The following PLXDC2 variants were observed in gnomAD, a reference collection of about 807,000 sequenced individuals.
PLXDC2 encodes plexin domain containing 2.
In PLXDC2, 40 loss-of-function variants were observed where a neutral mutation model predicts 68.9. That is an observed-to-expected ratio of 0.58 (90% CI 0.45 to 0.76). The LOEUF is 0.76. Ranked by LOEUF, PLXDC2 falls within the 30% of genes least tolerant of loss-of-function variation. The pLI, the probability that PLXDC2 is intolerant of heterozygous loss-of-function variation, is 0.00. For missense variants in PLXDC2, 644 were observed against 661.9 expected (o/e 0.97, Z 0.30); for synonymous variants, 243 against 234.2 (o/e 1.04, Z -0.34).
At chr10:20,235,827 C>A (rs1835425167) in intron 12 of PLXDC2, among the ~76,000 whole-genome samples, 1 of 152,304 alleles carries the variant, frequency 6.6e-6, no homozygotes, top group Middle Eastern at 3.4e-3. Context: ...ACATAAGTGA[C>A]TATTCTGAAA....
chr10:19,868,064 C>G (rs1411234121), intron 1 of PLXDC2, among the ~76,000 whole-genome samples: 3 of 151,996 alleles, frequency 2.0e-5, no homozygotes, highest in Non-Finnish European at 4.4e-5. Flanking sequence ...TGATACGTGG[C>G]TTTGTAATGT....
At chr10:20,269,340 G>C (rs952265225) in intron 13 of PLXDC2, among the ~76,000 whole-genome samples, 3 of 152,160 alleles carry the variant, frequency 2.0e-5, no homozygotes, top group African/African-American at 2.4e-5. Flanking sequence ...TAAGAATTCA[G>C]TAATAATGAA....
intron 9 of PLXDC2, among the ~76,000 whole-genome samples, chr10:20,184,768 T>C (rs914576645): frequency 2.0e-5 from 3 of 151,970 alleles, no homozygotes; most frequent in Non-Finnish European, 4.4e-5. Flanking sequence ...CCTTTGGTTT[T>C]GTCTCTATGT....
chr10:20,065,120 C>G (rs1301594098), intron 3 of PLXDC2, among the ~76,000 whole-genome samples: 1 of 152,110 alleles, frequency 6.6e-6, no homozygotes, highest in Non-Finnish European at 1.5e-5. Context: ...TAGGGGTAAT[C>G]CAAACTAAGC....
intron 12 of PLXDC2, among the ~76,000 whole-genome samples, chr10:20,239,480 C>T (rs999174941): frequency 6.6e-6 from 1 of 152,176 alleles, no homozygotes; most frequent in Non-Finnish European, 1.5e-5. Context: ...CAAGCACCTT[C>T]TTCACAAGGC....
At chr10:20,178,449 C>A (rs573691193) in intron 9 of PLXDC2, among the ~76,000 whole-genome samples, 31 of 152,124 alleles carry the variant, frequency 2.0e-4, no homozygotes, top group South Asian at 1.0e-3. Flanking sequence ...ATGGTCCCTG[C>A]CCCCCATGAA....
intron 1 of PLXDC2, among the ~76,000 whole-genome samples, chr10:19,859,987 C>T (rs2131333895): frequency 6.6e-6 from 1 of 152,292 alleles, no homozygotes; most frequent in East Asian, 1.9e-4. Flanking sequence ...ACCTCAGCTT[C>T]CCAAAGTGCT....
At chr10:19,934,053 A>T (rs193099682) in intron 1 of PLXDC2, among the ~76,000 whole-genome samples, 29 of 152,334 alleles carry the variant, frequency 1.9e-4, no homozygotes, top group African/African-American at 6.0e-4. Flanking sequence ...CTCATTCCTT[A>T]CTTTTTCTTC....
At chr10:19,861,278 G>A (rs750465372) in intron 1 of PLXDC2, among the ~76,000 whole-genome samples, 19 of 151,662 alleles carry the variant, frequency 1.3e-4, no homozygotes, top group Admixed American at 5.9e-4. Context: ...CAGGTGACCC[G>A]CCCACCTCTG....
chr10:20,012,336 G>GTTTTTT lies in PLXDC2; in HGVS notation c.324+10350_324+10351insTTTTTT, dbSNP rs1564656425. Among the ~76,000 whole-genome samples, 114 of 33,160 alleles carry GTTTTTT rather than the reference G, an allele frequency of 3.4e-3. 39 individuals carry two copies. Among genetic ancestry groups the GTTTTTT allele is most frequent in the African/African-American group, 5.9e-3 (61 of 10,328 alleles). 21.8% of individuals were successfully genotyped at this position (33,160 alleles called of 152,430 possible). ...TTTTTTTTTTTTTTTTTTTTTTTTG[G>GTTTTTT]AGAAGGAGACTTGCTGTGTTTCCCA... On this transcript the variant is annotated intron_variant, in intron 2 of 13. Coordinates refer to ENST00000377252, the MANE Select transcript of PLXDC2 (RefSeq NM_032812.9).
chr10:19,996,844 T>C lies in PLXDC2; in HGVS notation c.113-4931T>C, dbSNP rs548976197. 4.8e-4 allele frequency among the ~76,000 whole-genome samples: 73 copies of C among 152,246 alleles called. 1 individual carries two copies. The highest frequency in any genetic ancestry group is 9.6e-4 in the Non-Finnish European group (65 of 68,010). ...GCAACAGGCAAAGAGAGAGAGGTTG[T>C]GCAGGGAAACTTCCCCTTATAGAAC... is the stretch of plus-strand genomic sequence containing the variant. On this transcript the variant is annotated intron_variant, in intron 1 of 13. Transcript: ENST00000377252.
At chr10:19,844,033 G>A (rs1029785599) in intron 1 of PLXDC2, among the ~76,000 whole-genome samples, 1 of 152,058 alleles carries the variant, frequency 6.6e-6, no homozygotes, top group African/African-American at 2.4e-5. Flanking sequence ...AATATGGCAT[G>A]TATTCTGCAA....
At chr10:20,167,819 T>G (rs1312591494) in intron 7 of PLXDC2, among the ~76,000 whole-genome samples, 1 of 152,172 alleles carries the variant, frequency 6.6e-6, no homozygotes, top group Non-Finnish European at 1.5e-5. Flanking sequence ...ATATCATTCT[T>G]ATCAGATTTG....
At chr10:20,232,964 A>T (rs1835385279) in intron 12 of PLXDC2, among the ~76,000 whole-genome samples, 1 of 152,144 alleles carries the variant, frequency 6.6e-6, no homozygotes, top group East Asian at 1.9e-4. Context: ...TTTTTTTTAA[A>T]TTCCTGTGAA....
At chr10:20,136,318 A>G (rs1205050076) in intron 4 of PLXDC2, among the ~76,000 whole-genome samples, 5 of 152,336 alleles carry the variant, frequency 3.3e-5, no homozygotes, top group African/African-American at 4.8e-5. Flanking sequence ...CAGATTATCA[A>G]TTGCTGCCAC....
At chr10:20,256,461 G>GTGAGTTTTAACACTAA (rs370079148) in intron 13 of PLXDC2, among the ~76,000 whole-genome samples, 3 of 151,730 alleles carry the variant, frequency 2.0e-5, no homozygotes, top group African/African-American at 7.3e-5. Flanking sequence ...CACTGAGACT[G>GTGAGTTTTAACACTAA]CACCAAATGT....
At chr10:19,894,600 G>A (rs2131362646) in intron 1 of PLXDC2, among the ~76,000 whole-genome samples, 1 of 152,240 alleles carries the variant, frequency 6.6e-6, no homozygotes, top group South Asian at 2.1e-4. Context: ...ACTGGCATAA[G>A]TATTTTTATT....
Position 20,199,740 on chromosome 10 carries a change from T to C in PLXDC2, c.1062-11929T>C, listed in dbSNP as rs115329022. On this transcript the variant is annotated intron_variant, in intron 9 of 13. Coordinates refer to ENST00000377252, the MANE Select transcript of PLXDC2 (RefSeq NM_032812.9). ...ATCAGATTCACAATAGCACTATTAT[T>C]TGGAACGTTAGAATGTGATTATAAA... 8.6e-3 allele frequency among the ~76,000 whole-genome samples: 1,310 copies of C among 151,992 alleles called. 18 individuals carry two copies. The highest frequency in any genetic ancestry group is 0.029 in the African/African-American group (1,211 of 41,522).
intron 13 of PLXDC2, among the ~76,000 whole-genome samples, chr10:20,254,442 T>C (rs949660558): frequency 6.6e-6 from 1 of 152,214 alleles, no homozygotes; most frequent in East Asian, 1.9e-4. Context: ...AATCACTTCA[T>C]AGAACCACAA....
Sources: gnomAD v4.1 joint callset for allele counts (sites outside exome capture counted in the v4.1 genomes callset) on GRCh38, gnomAD v4.1.1 for gene constraint, MANE v1.5 for transcripts, NCBI Gene and HGNC (gene_info 2026-07-23, HGNC 2026-07-21) for gene names.